Variants in NR4A1 observed in about 807,000 individuals in gnomAD.
NR4A1 encodes nuclear receptor subfamily 4 group A member 1, also known as nuclear receptor subfamily 4immunitygroup A member 1.
NR4A1 carries 24 observed loss-of-function variants against 47.5 expected under a neutral mutation model. The observed-to-expected ratio is 0.50, with a 90% CI of 0.37 to 0.71. The LOEUF is 0.71. NR4A1 is among the 30% of genes least tolerant of loss of function. The probability of loss-of-function intolerance (pLI) is 0.00; values close to 1 mark genes in which losing one functional copy is unlikely to be tolerated. For synonymous variants in NR4A1, 353 were observed against 345.7 expected, an observed-to-expected ratio of 1.02 and a Z score of -0.24; for missense variants, 669 against 788.6, an observed-to-expected ratio of 0.85 and a Z score of 1.82.
At chr12:52,037,737 C>T (rs181098187) in intron 1 of NR4A1, 248 of 985,454 alleles carry the variant, frequency 2.5e-4, no homozygotes, top group Non-Finnish European at 3.0e-4. Flanking sequence ...CTGCGGGAAC[C>T]GGTTCCAGGA....
chr12:52,058,773 G>C lies in NR4A1; in HGVS notation c.1626G>C (p.Val542=), dbSNP rs759167808. The C allele has an allele frequency of 6.2e-7, 1 of 1,610,212 alleles. No homozygotes were observed. The highest frequency in any genetic ancestry group is 2.2e-5 in the East Asian group (1 of 44,672). ...ASCLKEHVAA[V]AGEPQPASCL... ...GCCTGAAGGAGCACGTGGCAGCTGTGGCGGGCGAGCCCCAGCCAGCCAGCT... is the reference window on the plus strand; with the variant it reads ...GCCTGAAGGAGCACGTGGCAGCTGTCGCGGGCGAGCCCCAGCCAGCCAGCT... The change falls in exon 7 of 7, where the codon GTG becomes GTC. Residue 542 remains valine (V), a synonymous_variant. Coordinates refer to ENST00000394825, the MANE Select transcript of NR4A1 (RefSeq NM_173157.3).
upstream of NR4A1, among the ~76,000 whole-genome samples, chr12:52,048,332 T>C (rs142330924): frequency 8.9e-3 from 1,347 of 150,662 alleles, 25 homozygotes; most frequent in African/African-American, 0.025. Context: ...CAGTGGCTCA[T>C]GCCTGTAATC....
chr12:52,023,905 C>G (rs1937945015), intron 1 of NR4A1, among the ~76,000 whole-genome samples: 1 of 152,196 alleles, frequency 6.6e-6, no homozygotes. Flanking sequence ...CACTCGTCAC[C>G]TCGCCCCCGG....
intron 1 of NR4A1, among the ~76,000 whole-genome samples, chr12:52,033,790 A>G (rs1000020621): frequency 6.6e-6 from 1 of 152,156 alleles, no homozygotes; most frequent in Non-Finnish European, 1.5e-5. Context: ...GACCCCGGCC[A>G]GGTAGTTCTT....
rs1306828238 is a variant in NR4A1 at position 52,058,770 on chromosome 12, T to C, written c.1623T>C (p.Ala541=). ...IASCLKEHVA[A]VAGEPQPASC... ...GCTGCCTGAAGGAGCACGTGGCAGCTGTGGCGGGCGAGCCCCAGCCAGCCA... is the reference window on the plus strand; with the variant it reads ...GCTGCCTGAAGGAGCACGTGGCAGCCGTGGCGGGCGAGCCCCAGCCAGCCA... Residue 541 remains alanine (A), a synonymous_variant, in exon 7 of 7, where the codon GCT becomes GCC. Transcript: ENST00000394825. The C allele has an allele frequency of 6.2e-7, 1 of 1,609,946 alleles. No individual in the cohort carries two copies. Among genetic ancestry groups the C allele is most frequent in the Non-Finnish European group, 8.5e-7 (1 of 1,179,122 alleles).
upstream of NR4A1, among the ~76,000 whole-genome samples, chr12:52,051,133 C>A (rs566410513): frequency 9.8e-5 from 15 of 152,342 alleles, no homozygotes; most frequent in African/African-American, 3.4e-4. Context: ...GCCTAGTGGG[C>A]CTGGGAGCTG....
At chr12:52,044,031 ACAACT>A in intron 2 of NR4A1, 1 of 772,200 alleles carries the variant, frequency 1.3e-6, no homozygotes, top group Non-Finnish European at 1.9e-6. Flanking sequence ...AGGGTGGCCG[ACAACT>A]GGAGGCATGA....
At chr12:52,043,872 C>T (rs1416680243) in intron 2 of NR4A1, 1 of 1,289,052 alleles carries the variant, frequency 7.8e-7, no homozygotes. Context: ...TTGTCTGGGA[C>T]CTTTTTCCAG....
intron 2 of NR4A1, chr12:52,043,544 C>T (rs533218364): frequency 2.7e-5 from 12 of 437,954 alleles, no homozygotes; most frequent in East Asian, 8.4e-5. Flanking sequence ...GGCCTGGGCA[C>T]GGGCCCAGGG....
intron 1 of NR4A1, among the ~76,000 whole-genome samples, chr12:52,052,296 TGTGTGTGTGAGA>T (rs1250654621): frequency 7.2e-6 from 1 of 138,906 alleles, no homozygotes. Flanking sequence ...TGTGTGTGTG[TGTGTGTGTGAGA>T]GAGAGAGAGA....
In NR4A1 at chr12:52,056,279, A is replaced by C. The variant is rs957778664; in HGVS notation, c.1006+120A>C. The C allele has an allele frequency of 9.8e-6, 14 of 1,428,004 alleles. No homozygotes were observed. The African/African-American group carries it at 1.6e-4, about 16-fold the overall frequency. The allele number at this position is 1,428,004 out of a possible 1,614,324, so 88.5% of individuals were successfully genotyped here. A position where few individuals can be genotyped will look rare whatever the true frequency, so the allele number is the denominator to read the frequency against. On this transcript the variant is annotated intron_variant, in intron 3 of 6. Coordinates refer to ENST00000394825, the MANE Select transcript of NR4A1 (RefSeq NM_173157.3). ...GGAGGGCACGTCTTATTTCCACCCCACCTCTGAACCCCAGGCCTTGGAGGG... is the reference window on the plus strand; with the variant it reads ...GGAGGGCACGTCTTATTTCCACCCCCCCTCTGAACCCCAGGCCTTGGAGGG...
chr12:52,051,614 A>G (rs1254019121), intron 1 of NR4A1, 46 bp downstream of exon 1: 1 of 979,964 alleles, frequency 1.0e-6, no homozygotes, highest in African/African-American at 1.8e-5. Context: ...GGAGCGGTGC[A>G]TGAAGGAGAT....
chr12:52,030,763 C>G (rs1938107011), intron 1 of NR4A1, among the ~76,000 whole-genome samples: 1 of 152,114 alleles, frequency 6.6e-6, no homozygotes, highest in African/African-American at 2.4e-5. Context: ...TTCCTCAATA[C>G]TAAAATAGTG....
In NR4A1 at chr12:52,054,892, C is replaced by G. The variant is rs1250215760; in HGVS notation, c.564C>G (p.Ala188=). 1.2e-6 allele frequency: 2 copies of G among 1,614,186 alleles called. No homozygotes were observed. The highest frequency in any genetic ancestry group is 4.5e-5 in the East Asian group (2 of 44,890). ...CCTCTGGGCCCCCACAGCCTCCAGC[C>G]TTCTTTTCCTTCAGTCCTCCCACCG... The part of the protein sequence containing the change: ...PKASGPPQPP[A]FFSFSPPTGP... The change falls in exon 2 of 7, where the codon GCC becomes GCG. Residue 188 remains alanine (A), a synonymous_variant. Coordinates refer to ENST00000394825, the MANE Select transcript of NR4A1 (RefSeq NM_173157.3).
intron 1 of NR4A1, 126 bp from the exon 2 acceptor site, chr12:52,054,199 CCT>C (rs1420488281): frequency 1.8e-5 from 14 of 767,268 alleles, no homozygotes; most frequent in Non-Finnish European, 2.7e-5. Flanking sequence ...GGTCCCGGTG[CCT>C]CTGTCTCATC....
intron 1 of NR4A1, among the ~76,000 whole-genome samples, chr12:52,030,746 C>A (rs922526043): frequency 1.3e-5 from 2 of 151,966 alleles, no homozygotes; most frequent in African/African-American, 4.8e-5. Flanking sequence ...CCTTTTAGAG[C>A]CTCAGTTTCC....
chr12:52,045,725 G>C (rs1054884636), intron 2 of NR4A1, among the ~76,000 whole-genome samples: 1 of 152,242 alleles, frequency 6.6e-6, no homozygotes, highest in Non-Finnish European at 1.5e-5. Flanking sequence ...AGAGCTGAGG[G>C]GAGGAGTGCG....
In NR4A1 at chr12:52,056,052, A is replaced by G. The variant is rs1939252962; in HGVS notation, c.899A>G (p.Lys300Arg). ...CAGCGCACAGTGCAGAAAAACGCCA[A>G]GTACATCTGCCTGGCTAACAAGGAC... Reference protein sequence around the residue: ...FFKRTVQKNAKYICLANKDCP... With the variant: ...FFKRTVQKNARYICLANKDCP... The change falls in exon 3 of 7, where the codon AAG becomes AGG. Residue 300 changes from lysine to arginine, a missense_variant. Physicochemically the swap from Lys to Arg is conservative, Grantham distance 26. Coordinates refer to ENST00000394825, the MANE Select transcript of NR4A1 (RefSeq NM_173157.3). The G allele has an allele frequency of 1.3e-6, 2 of 1,576,496 alleles. No homozygotes were observed. Among genetic ancestry groups the G allele is most frequent in the South Asian group, 1.1e-5 (1 of 88,422 alleles).
chr12:52,055,567 G>A (rs1157044594), intron 2 of NR4A1: 3 of 516,088 alleles, frequency 5.8e-6, no homozygotes, highest in Admixed American at 7.3e-5. Flanking sequence ...TCATGTTCCT[G>A]GCGTGAGATG....
Sources: gnomAD v4.1 joint callset for allele counts (sites outside exome capture counted in the v4.1 genomes callset) on GRCh38, gnomAD v4.1.1 for gene constraint, MANE v1.5 for transcripts, NCBI Gene and HGNC (gene_info 2026-07-23, HGNC 2026-07-21) for gene names.